Variants in NIM1K observed in about 807,000 individuals in gnomAD.
NIM1K encodes serine/threonine-protein kinase NIM1.
Under a neutral mutation model 37.1 loss-of-function variants are expected in NIM1K, and 35 were observed. The observed-to-expected ratio is 0.94, with a 90% confidence interval of 0.72 to 1.25. The LOEUF (loss-of-function observed/expected upper bound fraction) is 1.25. Ranked by LOEUF, NIM1K falls within the 50% of genes most tolerant of loss-of-function variation. The pLI is 0.00. For synonymous variants in NIM1K, 234 were observed against 206.6 expected (o/e 1.13, Z -1.14); for missense variants, 564 against 548.0 (o/e 1.03, Z -0.29).
chr5:43,251,465 A>G (rs542329903), intron 2 of NIM1K, among the ~76,000 whole-genome samples: 6 of 152,308 alleles, frequency 3.9e-5, no homozygotes, highest in African/African-American at 1.4e-4. Flanking sequence ...TAGTCCTTCC[A>G]TGTTTTACAA....
intron 1 of NIM1K, among the ~76,000 whole-genome samples, chr5:43,204,462 G>A (rs965539280): frequency 1.3e-4 from 20 of 151,770 alleles, no homozygotes; most frequent in Non-Finnish European, 2.8e-4. Context: ...AGTGCTTTGG[G>A]AGGCCGAGGC....
chr5:43,247,985 A>G (rs1401258377), intron 2 of NIM1K, among the ~76,000 whole-genome samples: 2 of 152,248 alleles, frequency 1.3e-5, no homozygotes, highest in Non-Finnish European at 2.9e-5. Flanking sequence ...GAAGTTGTGT[A>G]CAAATAAATA....
At chr5:43,230,599 A>G (rs1426120543) in intron 1 of NIM1K, among the ~76,000 whole-genome samples, 4 of 152,148 alleles carry the variant, frequency 2.6e-5, no homozygotes, top group Admixed American at 2.6e-4. Context: ...GAAAACTTAA[A>G]CAAATAGACA....
intron 1 of NIM1K, among the ~76,000 whole-genome samples, chr5:43,219,553 T>A (rs1485224655): frequency 6.6e-6 from 1 of 152,064 alleles, no homozygotes; most frequent in Non-Finnish European, 1.5e-5. Context: ...GGGATCAAAT[T>A]TCAACATGAG....
intron 2 of NIM1K, among the ~76,000 whole-genome samples, chr5:43,272,307 G>A (rs1014347632): frequency 2.7e-4 from 41 of 152,028 alleles, no homozygotes; most frequent in Admixed American, 2.2e-3. Context: ...AGTGTTAAAA[G>A]TCTTCCCTAA....
At chr5:43,258,481 A>G (rs1289342097) in intron 2 of NIM1K, among the ~76,000 whole-genome samples, 1 of 149,934 alleles carries the variant, frequency 6.7e-6, no homozygotes, top group Non-Finnish European at 1.5e-5. Context: ...TTGCTTTGTC[A>G]CCCAGGCTGG....
intron 1 of NIM1K, among the ~76,000 whole-genome samples, chr5:43,234,432 A>T (rs2112247587): frequency 6.6e-6 from 1 of 151,948 alleles, no homozygotes; most frequent in South Asian, 2.1e-4. Flanking sequence ...GAACATTACA[A>T]CTCTCCATGT....
At chr5:43,277,555 G>A (rs181789124) in intron 3 of NIM1K, among the ~76,000 whole-genome samples, 1 of 152,238 alleles carries the variant, frequency 6.6e-6, no homozygotes, top group Admixed American at 6.5e-5. Context: ...GACATTGGCA[G>A]GAATCACTGG....
intron 2 of NIM1K, 123 bp downstream of exon 2, chr5:43,246,190 C>A: frequency 1.4e-6 from 1 of 723,036 alleles, no homozygotes; most frequent in Non-Finnish European, 2.2e-6. Context: ...GCAAGGCCCA[C>A]ATCCTGTGCC....
intron 2 of NIM1K, among the ~76,000 whole-genome samples, chr5:43,269,938 T>C (rs1753230562): frequency 6.6e-6 from 1 of 152,190 alleles, no homozygotes; most frequent in African/African-American, 2.4e-5. Context: ...GTTATTGTTT[T>C]ATAGGCCCTG....
intron 1 of NIM1K, among the ~76,000 whole-genome samples, chr5:43,229,893 A>C (rs917010530): frequency 6.6e-6 from 1 of 151,946 alleles, no homozygotes; most frequent in African/African-American, 2.4e-5. Flanking sequence ...TGGCCTCCCA[A>C]AGTGCTGGGA....
Position 43,280,348 on chromosome 5 carries a change from C to T in NIM1K, c.930C>T (p.Pro310=), listed in dbSNP as rs748796456. Residue 310 remains proline, a synonymous_variant, in exon 4 of 4, where the codon CCC becomes CCT. Coordinates refer to ENST00000326035, the MANE Select transcript of NIM1K (RefSeq NM_153361.4). Reference sequence around the variant, plus strand: ...TCCGAGGAGTCCTTCAGCAGATCCCCACGGAGAGGTACGGAATCGACTGCA... The same window carrying T: ...TCCGAGGAGTCCTTCAGCAGATCCCTACGGAGAGGTACGGAATCGACTGCA... ...RLIRGVLQQI[P]TERYGIDCIM... is the part of the protein sequence containing the mutation. 1.2e-6 allele frequency: 2 copies of T among 1,614,042 alleles called. No homozygotes were observed.
At chr5:43,231,124 C>A (rs1446003672) in intron 1 of NIM1K, among the ~76,000 whole-genome samples, 1 of 152,260 alleles carries the variant, frequency 6.6e-6, no homozygotes, top group Admixed American at 6.5e-5. Context: ...TCAACACCAG[C>A]CTGGGCGACA....
At chr5:43,239,365 G>T (rs1054718470) in intron 1 of NIM1K, among the ~76,000 whole-genome samples, 1 of 151,680 alleles carries the variant, frequency 6.6e-6, no homozygotes, top group African/African-American at 2.4e-5. Flanking sequence ...AGCCTTCTGA[G>T]TAGCTAGAAT....
At chr5:43,238,957 C>T (rs921577360) in intron 1 of NIM1K, among the ~76,000 whole-genome samples, 3 of 66,768 alleles carry the variant, frequency 4.5e-5, no homozygotes, top group East Asian at 3.9e-4. Flanking sequence ...GAAAGGCTGG[C>T]GGGGGCGGGG....
At chr5:43,279,074 A>T (rs1359704097) in intron 3 of NIM1K, among the ~76,000 whole-genome samples, 1 of 152,232 alleles carries the variant, frequency 6.6e-6, no homozygotes, top group African/African-American at 2.4e-5. Flanking sequence ...AGTCTTCAGC[A>T]GCTCTACTCC....
At position 43,212,251 on chromosome 5, in the gene NIM1K, C is replaced by T. The variant is rs1690991; in HGVS notation, c.-695+19840C>T. Among the ~76,000 whole-genome samples, 124 of 152,066 alleles carry T rather than the reference C, an allele frequency of 8.2e-4. 1 individual carries two copies. Among genetic ancestry groups the T allele is most frequent in the African/African-American group, 2.9e-3 (122 of 41,514 alleles). ...GAGGACAGGAATGGCACCTAGGTTTCCTGCTTGGCCAACGGATCGCACATC... is the reference window on the plus strand; with the variant it reads ...GAGGACAGGAATGGCACCTAGGTTTTCTGCTTGGCCAACGGATCGCACATC... On this transcript the variant is annotated intron_variant, in intron 1 of 3. Transcript: ENST00000326035.
intron 1 of NIM1K, among the ~76,000 whole-genome samples, chr5:43,241,181 T>C (rs192049175): frequency 6.6e-6 from 1 of 152,142 alleles, no homozygotes; most frequent in East Asian, 1.9e-4. Flanking sequence ...AATCTAATTT[T>C]AGTGTAGTTT....
chr5:43,222,144 A>T (rs1752389084), intron 1 of NIM1K, among the ~76,000 whole-genome samples: 1 of 152,186 alleles, frequency 6.6e-6, no homozygotes, highest in African/African-American at 2.4e-5. Context: ...TTGTTTGTGA[A>T]AAAGTTCTGG....
Sources: gnomAD v4.1 joint callset for allele counts (sites outside exome capture counted in the v4.1 genomes callset) on GRCh38, gnomAD v4.1.1 for gene constraint, MANE v1.5 for transcripts, NCBI Gene and HGNC (gene_info 2026-07-23, HGNC 2026-07-21) for gene names.